Variants in GPR4 observed in about 807,000 individuals in gnomAD.
The protein encoded by GPR4 is G-prodeshotein coupled receptor 4.
In GPR4, 11 loss-of-function variants were observed where a neutral mutation model predicts 17.8. That is an observed-to-expected ratio of 0.62 (90% CI 0.39 to 1.02). The LOEUF (loss-of-function observed/expected upper bound fraction) is 1.02. Among genes scored for constraint, GPR4 ranks in the 50% least tolerant of loss-of-function variants. The pLI, the probability that GPR4 is intolerant of heterozygous loss-of-function variation, is 0.00. For missense variants in GPR4, 364 were observed against 495.4 expected (o/e 0.73, Z 2.52); for synonymous variants, 219 against 222.8 (o/e 0.98, Z 0.15).
chr19:45,595,978 G>C (rs1970054154), intron 1 of GPR4, among the ~76,000 whole-genome samples: 1 of 152,168 alleles, frequency 6.6e-6, no homozygotes, highest in Non-Finnish European at 1.5e-5. Context: ...CCAGATGCCA[G>C]AGCATCTTTC....
At chr19:45,594,089 T>TATATTTTATATATATATAG (rs1970031940) in intron 1 of GPR4, among the ~76,000 whole-genome samples, 1 of 120,066 alleles carries the variant, frequency 8.3e-6, no homozygotes, top group African/African-American at 3.2e-5. Context: ...TATATATATA[T>TATATTTTATATATATATAG]ATATAAAATA....
rs1479815192 is a variant in GPR4, at chr19:45,590,871, G to A, written c.996C>T (p.Asn332=). The change falls in exon 2 of 2, where the codon AAC becomes AAT. Residue 332 remains asparagine, a synonymous_variant. Transcript: ENST00000323040. ...TLETPLTSKR[N]STAKAMTGSW... ...TGCCAGTCATGGCTTTGGCTGTGCTGTTCCTCTTGGAGGTGAGTGGGGTCT... is the reference window on the plus strand; with the variant it reads ...TGCCAGTCATGGCTTTGGCTGTGCTATTCCTCTTGGAGGTGAGTGGGGTCT... 1.2e-6 allele frequency: 2 copies of A among 1,613,976 alleles called. No individual in the cohort carries two copies. Among genetic ancestry groups the A allele is most frequent in the Non-Finnish European group, 8.5e-7 (1 of 1,180,004 alleles).
intron 1 of GPR4, among the ~76,000 whole-genome samples, chr19:45,601,166 G>A (rs1970107580): frequency 6.6e-6 from 1 of 152,166 alleles, no homozygotes; most frequent in South Asian, 2.1e-4. Context: ...CTCCACTTCT[G>A]CGCCAAACAA....
At chr19:45,593,140 G>A (rs1970015236) in intron 1 of GPR4, among the ~76,000 whole-genome samples, 3 of 148,194 alleles carry the variant, frequency 2.0e-5, no homozygotes, top group Non-Finnish European at 4.4e-5. Context: ...TCAGGCTGTA[G>A]TGAGCTATAA....
At chr19:45,593,770 C>T (rs1452119953) in intron 1 of GPR4, among the ~76,000 whole-genome samples, 1 of 151,988 alleles carries the variant, frequency 6.6e-6, no homozygotes, top group Non-Finnish European at 1.5e-5. Context: ...GCCTCCCACT[C>T]CTTACCCAAG....
intron 1 of GPR4, 113 bp from the exon 2 acceptor site, chr19:45,592,810 C>T (rs1970012305): frequency 6.3e-6 from 1 of 158,180 alleles, no homozygotes; most frequent in African/African-American, 2.4e-5. Context: ...CCAACAATGC[C>T]TACTTCAGCC....
chr19:45,594,421 CAAAAAAAAAAAA>C (rs11284570), intron 1 of GPR4, among the ~76,000 whole-genome samples: 1 of 75,802 alleles, frequency 1.3e-5, no homozygotes, highest in African/African-American at 4.9e-5. Flanking sequence ...GACTCCGTCT[CAAAAAAAAAAAA>C]AAAAAAAAAG....
intron 1 of GPR4, among the ~76,000 whole-genome samples, chr19:45,598,806 G>A (rs543089610): frequency 2.0e-5 from 3 of 152,170 alleles, no homozygotes; most frequent in East Asian, 1.9e-4. Context: ...ACCTCCTGTC[G>A]CTGTTAACTA....
chr19:45,599,953 C>G (rs1231558176), intron 1 of GPR4, among the ~76,000 whole-genome samples: 3 of 152,050 alleles, frequency 2.0e-5, no homozygotes, highest in Non-Finnish European at 2.9e-5. Context: ...TTATCTTTCC[C>G]CAGCAAACAG....
intron 1 of GPR4, among the ~76,000 whole-genome samples, chr19:45,599,335 C>T (rs1970089276): frequency 6.6e-6 from 1 of 151,974 alleles, no homozygotes; most frequent in Non-Finnish European, 1.5e-5. Context: ...CATCCCCCAG[C>T]ACCCCTGGGC....
intron 1 of GPR4, among the ~76,000 whole-genome samples, chr19:45,594,775 G>A (rs944308883): frequency 2.2e-5 from 2 of 88,908 alleles, no homozygotes; most frequent in African/African-American, 4.5e-5. Context: ...CTGAGGTCAG[G>A]AGTTCAAGAT....
Position 45,602,212 on chromosome 19 carries a change from T to C in GPR4, c.-949A>G, listed in dbSNP as rs1424521447. 6.6e-6 allele frequency: 1 copy of C among 152,212 alleles called. No individual in the cohort carries two copies. Among genetic ancestry groups the C allele is most frequent in the Non-Finnish European group, 1.5e-5 (1 of 68,062 alleles). The allele number at this position is 152,212 out of a possible 1,614,324, so 9.4% of individuals were successfully genotyped here. A position where few individuals can be genotyped will look rare whatever the true frequency, so the allele number is the denominator to read the frequency against. On this transcript the variant is annotated 5_prime_UTR_variant, in exon 1 of 2. Transcript: ENST00000323040. ...TGCCCCCGCGGGGCAGAACAGCGGC[T>C]ACTCCTCCCGGCCCCCGGGCCAGAG...
rs766723727 is a variant in GPR4, at chr19:45,591,267, C to G, written c.600G>C (p.Ser200=). The G allele has an allele frequency of 9.3e-6, 15 of 1,613,130 alleles. No individual in the cohort carries two copies. The highest frequency in any genetic ancestry group is 1.3e-5 in the Non-Finnish European group (15 of 1,179,940). The stretch of plus-strand genomic sequence containing the variant: ...GCACGGCCCGCAGGATGCCCCGGTA[C>G]GACAGCAGCATGAGCGCCCACGGGA... ...FLFPWALMLL[S]YRGILRAVRG... is the part of the protein sequence containing the mutation. Residue 200 remains serine (S), a synonymous_variant, in exon 2 of 2, where the codon TCG becomes TCC. Transcript: ENST00000323040. This position sits in a 1 kb window ranked among gnomAD's most constrained non-coding sequence, Gnocchi z 7.6.
chr19:45,591,919 GCC>G lies in GPR4; in HGVS notation c.-55_-54del. On this transcript the variant is annotated 5_prime_UTR_variant, in exon 2 of 2. Transcript: ENST00000323040. The surrounding 1 kb of genome is among the most constrained non-coding windows in gnomAD (Gnocchi z 7.6). Reference sequence around the variant, plus strand: ...TCCCCTGGCCCACGGGGGCTGTGGGGCCACAGGGAGCGGGAGGCCATGGGGCC... The same window carrying G: ...TCCCCTGGCCCACGGGGGCTGTGGGGACAGGGAGCGGGAGGCCATGGGGCC... The G allele has an allele frequency of 6.6e-7, 1 of 1,518,188 alleles. No homozygotes were observed. The highest frequency in any genetic ancestry group is 1.3e-5 in the South Asian group (1 of 76,154). The allele number at this position is 1,518,188 out of a possible 1,614,324, so 94.0% of individuals were successfully genotyped here. A position where few individuals can be genotyped will look rare whatever the true frequency, so the allele number is the denominator to read the frequency against.
chr19:45,594,889 G>A (rs528101995), intron 1 of GPR4, among the ~76,000 whole-genome samples: 79 of 152,172 alleles, frequency 5.2e-4, no homozygotes, highest in Admixed American at 1.6e-3. Flanking sequence ...ATGCTGAGGC[G>A]AGAGGATTGC....
chr19:45,601,577 GGAAGGAGAGAAGACAGAGCT>G (rs1329422718), intron 1 of GPR4, among the ~76,000 whole-genome samples: 1 of 152,150 alleles, frequency 6.6e-6, no homozygotes, highest in Non-Finnish European at 1.5e-5. Context: ...CGGAGGATTT[GGAAGGAGAGAAGACAGAGCT>G]GAAGGTGCCA....
chr19:45,592,179 T>G lies in GPR4; in HGVS notation c.-313A>C. The G allele has an allele frequency of 3.5e-6, 1 of 289,342 alleles. No homozygotes were observed. The allele number at this position is 289,342 out of a possible 1,614,324, so 17.9% of individuals were successfully genotyped here. ...GTGTGTCAACGAGGGAGTATGGGGGTGACACAAAAATTGGTCTCCGGGAGT... is the reference window on the plus strand; with the variant it reads ...GTGTGTCAACGAGGGAGTATGGGGGGGACACAAAAATTGGTCTCCGGGAGT... On this transcript the variant is annotated 5_prime_UTR_variant, in exon 2 of 2. Coordinates refer to ENST00000323040, the MANE Select transcript of GPR4 (RefSeq NM_005282.3).
At position 45,591,551 on chromosome 19, in the gene GPR4, C is replaced by T. The variant is rs1472156703; in HGVS notation, c.316G>A (p.Ala106Thr). The T allele has an allele frequency of 5.0e-6, 8 of 1,613,844 alleles. No individual in the cohort carries two copies. Among genetic ancestry groups the T allele is most frequent in the East Asian group, 2.2e-5 (1 of 44,852 alleles). ...IFYTNIYISI[A>T]FLCCISVDRY... Reference sequence around the variant, plus strand: ...TCCACCGAGATGCAGCACAGGAAGGCGATGCTGATGTAGATATTGGTGTAG... The same window carrying T: ...TCCACCGAGATGCAGCACAGGAAGGTGATGCTGATGTAGATATTGGTGTAG... Residue 106 changes from alanine (A) to threonine (T), a missense_variant, in exon 2 of 2, where the codon GCC (alanine) becomes ACC (threonine). Physicochemically the swap from Ala to Thr is moderately conservative, Grantham distance 58 (BLOSUM62 0). Around this residue, in one of 3 missense-constraint regions of GPR4, gnomAD observed 271 missense variants for 373.1 expected, o/e 0.73. Transcript: ENST00000323040. This position sits in a 1 kb window ranked among gnomAD's most constrained non-coding sequence, Gnocchi z 7.6.
rs1970004572 is a variant in GPR4 at position 45,592,162 on chromosome 19, A to C, written c.-296T>G. On this transcript the variant is annotated 5_prime_UTR_variant, in exon 2 of 2. Transcript: ENST00000323040. ...GGTTATGTATGGAGTCAGTGTGTCA[A>C]CGAGGGAGTATGGGGGTGACACAAA... is the stretch of plus-strand genomic sequence containing the variant. 1 of 340,656 alleles carries C rather than the reference A, an allele frequency of 2.9e-6. No homozygotes were observed. The highest frequency in any genetic ancestry group is 2.1e-5 in the African/African-American group (1 of 46,658). 21.1% of individuals were successfully genotyped at this position (340,656 alleles called of 1,614,324 possible).
Sources: allele counts gnomAD v4.1 joint callset (sites outside exome capture counted in the v4.1 genomes callset), GRCh38; gene constraint gnomAD v4.1.1; regional missense constraint gnomAD v4.1.1; non-coding constraint Gnocchi (gnomAD v3.1); transcripts MANE v1.5; gene names NCBI Gene and HGNC (gene_info 2026-07-23, HGNC 2026-07-21).